The following POLR1B variants were observed in gnomAD, a reference collection of about 807,000 sequenced individuals.
POLR1B encodes DNA-directed RNA polymerase I subunit RPA2.
A neutral mutation model predicts 105.8 loss-of-function variants in POLR1B; 30 were observed. That is an observed-to-expected ratio of 0.28 (90% CI 0.21 to 0.38). The LOEUF (loss-of-function observed/expected upper bound fraction) is 0.38. Among genes scored for constraint, POLR1B ranks in the 10% least tolerant of loss-of-function variants. The pLI is 1.00. For missense variants in POLR1B, 976 were observed against 1,435.8 expected, an observed-to-expected ratio of 0.68 and a Z score of 5.17; for synonymous variants, 485 against 505.1, an observed-to-expected ratio of 0.96 and a Z score of 0.53.
At position 112,573,657 on chromosome 2, in the gene POLR1B, T is replaced by G; in HGVS notation, c.2367T>G (p.Asp789Glu). 6.2e-7 allele frequency: 1 copy of G among 1,614,186 alleles called. No homozygotes were observed. Among genetic ancestry groups the G allele is most frequent in the African/African-American group, 1.3e-5 (1 of 75,028 alleles). ...TCTCTGAAAAAATTAAACAAGGAGA[T>G]AGTAGCCTGGTGTTTGGCATCAAAC... is the stretch of plus-strand genomic sequence containing the variant. ...IDLSEKIKQG[D>E]SSLVFGIKPG... is the part of the protein sequence containing the mutation. Residue 789 changes from aspartate to glutamate, a missense_variant, in exon 14 of 15, where the codon GAT becomes GAG. Asp to Glu is a conservative substitution (Grantham distance 45). Coordinates refer to ENST00000263331, the MANE Select transcript of POLR1B (RefSeq NM_019014.6).
In POLR1B at chr2:112,551,368, C is replaced by T. The variant is rs139697910; in HGVS notation, c.762+366C>T. 8.4e-4 allele frequency among the ~76,000 whole-genome samples: 128 copies of T among 152,308 alleles called. 2 individuals carry two copies. In the East Asian group the frequency reaches 0.021, roughly 25 times the overall value. On this transcript the variant is annotated intron_variant, in intron 5 of 14. Transcript: ENST00000263331. ...TCATGGGGTTGCTCTCTACATGGCC[C>T]TTTCTGTAGGCTGCTTGAGGCAACT...
chr2:112,543,024 A>G (rs560229336), intron 1 of POLR1B, among the ~76,000 whole-genome samples: 6 of 152,302 alleles, frequency 3.9e-5, no homozygotes, highest in African/African-American at 1.2e-4. Context: ...ACGTACCTCG[A>G]AAGATCCCGA....
At chr2:112,571,221 G>C (rs1246030704) in intron 12 of POLR1B, among the ~76,000 whole-genome samples, 1 of 152,062 alleles carries the variant, frequency 6.6e-6, no homozygotes, top group African/African-American at 2.4e-5. Flanking sequence ...TCCAATGTCT[G>C]GGTCATCTTA....
chr2:112,555,468 C>A (rs943564745), intron 7 of POLR1B, among the ~76,000 whole-genome samples: 2 of 152,148 alleles, frequency 1.3e-5, no homozygotes, highest in East Asian at 1.9e-4. Flanking sequence ...AGCCCAGAGA[C>A]AAAACTTCGT....
At chr2:112,544,141 A>G (rs1205304720) in intron 1 of POLR1B, among the ~76,000 whole-genome samples, 2 of 152,096 alleles carry the variant, frequency 1.3e-5, no homozygotes, top group Non-Finnish European at 2.9e-5. Context: ...TTTAAAAATA[A>G]GCCAGTCGGC....
chr2:112,550,831 T>G (rs1683327522), intron 4 of POLR1B, 35 bp from the exon 5 acceptor site: 1 of 1,606,632 alleles, frequency 6.2e-7, no homozygotes, highest in Admixed American at 1.7e-5. Context: ...AAGATATCAA[T>G]GAGTTTCTGA....
chr2:112,567,842 C>T lies in POLR1B; in HGVS notation c.1747-125C>T. 3.9e-6 allele frequency: 3 copies of T among 765,938 alleles called. 1 individual carries two copies. In the South Asian group the frequency reaches 5.4e-5, roughly 14 times the overall value. The allele number at this position is 765,938 out of a possible 1,614,324, so 47.4% of individuals were successfully genotyped here. Reference sequence around the variant, plus strand: ...ATTTGCCTACTAGCTGGGGTGAGCACCCAAGGAAGTAGGGCTTTTACCATG... The same window carrying T: ...ATTTGCCTACTAGCTGGGGTGAGCATCCAAGGAAGTAGGGCTTTTACCATG... On this transcript the variant is annotated intron_variant, in intron 10 of 14. Transcript: ENST00000263331.
In POLR1B at chr2:112,542,564, T is replaced by A; in HGVS notation, c.70T>A (p.Tyr24Asn). 1 of 1,614,090 alleles carries A rather than the reference T, an allele frequency of 6.2e-7. No homozygotes were observed. Among genetic ancestry groups the A allele is most frequent in the Non-Finnish European group, 8.5e-7 (1 of 1,180,028 alleles). Residue 24 changes from tyrosine to asparagine, a missense_variant, in exon 1 of 15, where the codon TAT becomes AAT. Tyr to Asn is a moderately radical substitution (Grantham distance 143, BLOSUM62 -2). Transcript: ENST00000263331. ...PSLKHLTDPS[Y>N]GIPREQQKAA... is the part of the protein sequence containing the mutation. ...CCTAAAGCACTTGACTGACCCCTCT[T>A]ATGGAATCCCGCGGGAACAGCAAAA...
chr2:112,556,184 C>G lies in POLR1B; in HGVS notation c.1159-1726C>G, dbSNP rs143984797. Among the ~76,000 whole-genome samples, 17 of 152,344 alleles carry G rather than the reference C, an allele frequency of 1.1e-4. 1 individual carries two copies. In the South Asian group the frequency reaches 1.2e-3, roughly 11 times the overall value. On this transcript the variant is annotated intron_variant, in intron 7 of 14. Coordinates refer to ENST00000263331, the MANE Select transcript of POLR1B (RefSeq NM_019014.6). ...TCAAGAAAGGAATCTAAACAGCAAC[C>G]AGCAGAGGTGGAGCAGTGATGCCAG...
intron 12 of POLR1B, among the ~76,000 whole-genome samples, chr2:112,569,201 CTTA>C (rs927608358): frequency 2.0e-5 from 3 of 152,198 alleles, no homozygotes; most frequent in Non-Finnish European, 4.4e-5. Flanking sequence ...TGCCTGAGGT[CTTA>C]TTATTTGATT....
chr2:112,574,669 C>A (rs561553604), intron 14 of POLR1B, among the ~76,000 whole-genome samples, 178 bp from the exon 15 acceptor site: 14 of 146,996 alleles, frequency 9.5e-5, no homozygotes, highest in African/African-American at 3.5e-4. Context: ...CTGCAGTGAG[C>A]TGTAATTGCA....
rs1333183734 is a variant in POLR1B at position 112,576,287 on chromosome 2, G to C, written c.*558G>C. On this transcript the variant is annotated 3_prime_UTR_variant, in exon 15 of 15. Coordinates refer to ENST00000263331, the MANE Select transcript of POLR1B (RefSeq NM_019014.6). Reference sequence around the variant, plus strand: ...CACAATCAGGGTAATAAACATACCTGTCATCTCCACAAGTTTCCTCCTGCC... The same window carrying C: ...CACAATCAGGGTAATAAACATACCTCTCATCTCCACAAGTTTCCTCCTGCC... 1 of 152,114 alleles carries C rather than the reference G, an allele frequency of 6.6e-6. No individual in the cohort carries two copies. The highest frequency in any genetic ancestry group is 1.5e-5 in the Non-Finnish European group (1 of 68,100). 9.4% of individuals were successfully genotyped at this position (152,114 alleles called of 1,614,324 possible). A position where few individuals can be genotyped will look rare whatever the true frequency, so the allele number is the denominator to read the frequency against.
chr2:112,548,071 G>A (rs1361892942), intron 3 of POLR1B: 1 of 152,722 alleles, frequency 6.5e-6, no homozygotes, highest in African/African-American at 2.4e-5. Context: ...AAATAAAAAT[G>A]TCTGCTTTGC....
At chr2:112,550,755 A>T in intron 4 of POLR1B, 111 bp from the exon 5 acceptor site, 1 of 1,119,622 alleles carries the variant, frequency 8.9e-7, no homozygotes, top group Non-Finnish European at 1.3e-6. Context: ...GGCTAAACTT[A>T]GTGATTTGGC....
chr2:112,562,728 C>CTTTTT (rs70965010), intron 9 of POLR1B, among the ~76,000 whole-genome samples: 1 of 120,644 alleles, frequency 8.3e-6, no homozygotes, highest in Non-Finnish European at 1.7e-5. Context: ...TCTTTTTTTT[C>CTTTTT]TTTTTTTTTT....
At chr2:112,570,022 T>C (rs1020615236) in intron 12 of POLR1B, among the ~76,000 whole-genome samples, 58 of 152,044 alleles carry the variant, frequency 3.8e-4, no homozygotes, top group African/African-American at 1.4e-3. Context: ...TTCTGTTCTC[T>C]TTTTTCTTTA....
chr2:112,548,718 T>TA (rs1683195593), intron 3 of POLR1B, among the ~76,000 whole-genome samples: 1 of 152,014 alleles, frequency 6.6e-6, no homozygotes, highest in East Asian at 1.9e-4. Context: ...GTTCAAGCCA[T>TA]TCTCCTGCCT....
At chr2:112,560,741 T>C (rs549687553) in intron 9 of POLR1B, among the ~76,000 whole-genome samples, 5 of 152,202 alleles carry the variant, frequency 3.3e-5, no homozygotes, top group Admixed American at 6.5e-5. Context: ...AAGAAAGTTC[T>C]GCTTAAAAGT....
rs1015552757 is a variant in POLR1B, at chr2:112,542,780, G to T, written c.177+109G>T. 2.9e-6 allele frequency: 4 copies of T among 1,388,330 alleles called. No individual in the cohort carries two copies. In the Admixed American group the frequency reaches 9.1e-5, roughly 32 times the overall value. The allele number at this position is 1,388,330 out of a possible 1,614,324, so 86.0% of individuals were successfully genotyped here. A position where few individuals can be genotyped will look rare whatever the true frequency, so the allele number is the denominator to read the frequency against. ...TGCATGTGCTCCTTGATCCTGACAG[G>T]CTTGGTGGGTAAGCGGGAGAGCACA... On this transcript the variant is annotated intron_variant, in intron 1 of 14. Coordinates refer to ENST00000263331, the MANE Select transcript of POLR1B (RefSeq NM_019014.6).
Sources: allele counts gnomAD v4.1 joint callset (sites outside exome capture counted in the v4.1 genomes callset), GRCh38; gene constraint gnomAD v4.1.1; transcripts MANE v1.5; gene names NCBI Gene and HGNC (gene_info 2026-07-23, HGNC 2026-07-21).